STAT5B: variants seen among roughly 807,000 people sequenced by gnomAD.
STAT5B encodes signal transducer and activator of transcription 5B.
STAT5B carries 21 observed loss-of-function variants against 107.8 expected under a neutral mutation model. That is an observed-to-expected ratio of 0.19 (90% CI 0.14 to 0.28). The LOEUF is 0.28. Ranked by LOEUF, STAT5B falls within the 10% of genes least tolerant of loss-of-function variation. STAT5B has a pLI of 1.00. For synonymous variants in STAT5B, 325 were observed against 401.7 expected, an observed-to-expected ratio of 0.81 and a Z score of 2.28; for missense variants, 565 against 1,008.2, an observed-to-expected ratio of 0.56 and a Z score of 5.95.
In STAT5B at chr17:42,201,343, AT is replaced by A; in HGVS notation, c.*394del. The A allele has an allele frequency of 1.8e-6, 1 of 566,068 alleles. No homozygotes were observed. The highest frequency in any genetic ancestry group is 3.1e-6 in the Non-Finnish European group (1 of 320,256). The allele number at this position is 566,068 out of a possible 1,614,324, so 35.1% of individuals were successfully genotyped here. ...TTTCTCCTCCCTTTGTCCTTCTCTTATTCAAACAGCCACATGTCAAAGTCCA... is the reference window on the plus strand; with the variant it reads ...TTTCTCCTCCCTTTGTCCTTCTCTTATCAAACAGCCACATGTCAAAGTCCA... On this transcript the variant is annotated 3_prime_UTR_variant, in exon 19 of 19. Transcript: ENST00000293328.
chr17:42,241,340 C>CAA (rs774158422), intron 1 of STAT5B, among the ~76,000 whole-genome samples: 1,330 of 72,474 alleles, frequency 0.018, 17 homozygotes, highest in African/African-American at 0.063. Flanking sequence ...AACTCCATCT[C>CAA]AAAAAAAAAA....
At chr17:42,213,237 C>T (rs977009554) in intron 12 of STAT5B, among the ~76,000 whole-genome samples, 1 of 152,000 alleles carries the variant, frequency 6.6e-6, no homozygotes. Flanking sequence ...GGTAAGGTCT[C>T]GCTCTGTCAT....
chr17:42,217,516 T>G (rs1276946306), intron 9 of STAT5B, 52 bp from the exon 10 acceptor site: 2 of 1,598,868 alleles, frequency 1.3e-6, no homozygotes, highest in Non-Finnish European at 8.6e-7. Context: ...TCTCAGGACA[T>G]GCGGAGTAAA....
chr17:42,238,386 G>A (rs1168194465), intron 1 of STAT5B, among the ~76,000 whole-genome samples: 1 of 146,062 alleles, frequency 6.8e-6, no homozygotes, highest in African/African-American at 2.6e-5. Flanking sequence ...CTCACCTCAA[G>A]TGATCCTCCC....
chr17:42,253,553 A>C (rs8081929), intron 1 of STAT5B, among the ~76,000 whole-genome samples: 2,929 of 152,356 alleles, frequency 0.019, 87 homozygotes, highest in African/African-American at 0.066. Context: ...ATTCATATTT[A>C]AACAGGAAGG....
intron 1 of STAT5B, among the ~76,000 whole-genome samples, chr17:42,262,986 A>G (rs1351816637): frequency 6.8e-4 from 29 of 42,382 alleles, no homozygotes; most frequent in South Asian, 9.4e-4. Context: ...ATATATATAT[A>G]TATATATATA....
At chr17:42,203,413 TA>T (rs112494909) in intron 16 of STAT5B, among the ~76,000 whole-genome samples, 1,970 of 137,424 alleles carry the variant, frequency 0.014, 30 homozygotes, top group African/African-American at 0.047. Context: ...GCATACTAAT[TA>T]AAAAAAAAAA....
chr17:42,226,536 G>A (rs1567663421), intron 3 of STAT5B, among the ~76,000 whole-genome samples: 3 of 151,344 alleles, frequency 2.0e-5, no homozygotes, highest in South Asian at 2.1e-4. Context: ...GGCTGGGTGC[G>A]GTGGCTCATG....
rs139789118 is a variant in STAT5B at position 42,214,951 on chromosome 17, C to T, written c.1473+1063G>A. Among the ~76,000 whole-genome samples the T allele has an allele frequency of 2.1e-3, 314 of 152,198 alleles. 2 individuals carry two copies. Among genetic ancestry groups the T allele is most frequent in the African/African-American group, 7.3e-3 (304 of 41,526 alleles). On this transcript the variant is annotated intron_variant, in intron 12 of 18. Coordinates refer to ENST00000293328, the MANE Select transcript of STAT5B (RefSeq NM_012448.4). The stretch of plus-strand genomic sequence containing the variant: ...TATTTTTTGTAGAGACAGGATTTTG[C>T]TATGCTGCCTAGGCTAGTCTGGAGC...
At position 42,202,423 on chromosome 17, in the gene STAT5B, G is replaced by C. The variant is rs143157773; in HGVS notation, c.2154C>G (p.Ala718=). 1.9e-6 allele frequency: 3 copies of C among 1,614,182 alleles called. No individual in the cohort carries two copies. Among genetic ancestry groups the C allele is most frequent in the African/African-American group, 2.7e-5 (2 of 75,050 alleles). ...VPEFVNASAD[A]GGGSATYMDQ... ...CCATGTACGTGGCGCTGCCGCCCCC[G>C]GCATCTGCAGATGCGTTCACAAACC... The change falls in exon 18 of 19, where the codon GCC becomes GCG. Residue 718 remains alanine, a synonymous_variant. Transcript: ENST00000293328.
chr17:42,244,842 G>A (rs2080437319), intron 1 of STAT5B, among the ~76,000 whole-genome samples: 1 of 152,124 alleles, frequency 6.6e-6, no homozygotes. Flanking sequence ...CCAGTTAAAT[G>A]AAATATAAAA....
chr17:42,219,213 T>C (rs2080201801), intron 7 of STAT5B, 99 bp downstream of exon 7: 1 of 1,476,280 alleles, frequency 6.8e-7, no homozygotes, highest in Admixed American at 2.2e-5. Flanking sequence ...TGTCCCAGGA[T>C]GGAGGGGGCC....
Position 42,201,139 on chromosome 17 carries a change from A to C in STAT5B, c.*599T>G. On this transcript the variant is annotated 3_prime_UTR_variant, in exon 19 of 19. Coordinates refer to ENST00000293328, the MANE Select transcript of STAT5B (RefSeq NM_012448.4). ...AGCTTGTGACTTCCCTTGCCCCAAC[A>C]ATCTTTGTAGGTTGCCCCTTTTCCC... 2.5e-6 allele frequency: 1 copy of C among 406,284 alleles called. No homozygotes were observed. Among genetic ancestry groups the C allele is most frequent in the Non-Finnish European group, 4.3e-6 (1 of 230,458 alleles). 25.2% of individuals were successfully genotyped at this position (406,284 alleles called of 1,614,324 possible). A position where few individuals can be genotyped will look rare whatever the true frequency, so the allele number is the denominator to read the frequency against.
At chr17:42,258,231 T>A (rs914930136) in intron 1 of STAT5B, among the ~76,000 whole-genome samples, 1 of 152,116 alleles carries the variant, frequency 6.6e-6, no homozygotes, top group Non-Finnish European at 1.5e-5. Context: ...AATAAAGGGG[T>A]TCCTAAAGCC....
chr17:42,238,698 A>T (rs2080377435), intron 1 of STAT5B, among the ~76,000 whole-genome samples: 1 of 149,920 alleles, frequency 6.7e-6, no homozygotes, highest in Admixed American at 6.7e-5. Flanking sequence ...TGATCCACCC[A>T]CCTCGGCCTC....
At position 42,227,592 on chromosome 17, in the gene STAT5B, G is replaced by A. The variant is rs2080284384; in HGVS notation, c.222C>T (p.His74=). Residue 74 remains histidine, a synonymous_variant, in exon 3 of 19, where the codon CAC becomes CAT. Transcript: ENST00000293328. ...LVQELQKKAE[H]QVGEDGFLLK... is the part of the protein sequence containing the mutation. ...GTAAAAACCCATCTTCCCCCACCTG[G>A]TGCTCTGCCTTCTTCTGCAGCTCCT... 3.1e-6 allele frequency: 5 copies of A among 1,613,774 alleles called. No individual in the cohort carries two copies. Among genetic ancestry groups the A allele is most frequent in the Non-Finnish European group, 4.2e-6 (5 of 1,179,936 alleles).
chr17:42,250,917 C>CT (rs943249625), intron 1 of STAT5B, among the ~76,000 whole-genome samples: 7 of 141,016 alleles, frequency 5.0e-5, no homozygotes, highest in Non-Finnish European at 9.1e-5. Context: ...GAGGGAAACT[C>CT]TGTCTCAAAA....
the STAT5B span, among the ~76,000 whole-genome samples, chr17:42,283,704 T>G: frequency 6.6e-6 from 1 of 152,232 alleles, no homozygotes; most frequent in Admixed American, 6.5e-5. Flanking sequence ...GCTCCTTCCC[T>G]TCCCCCAGAT....
intron 17 of STAT5B, 69 bp downstream of exon 17, chr17:42,202,688 G>C: frequency 6.2e-7 from 1 of 1,610,888 alleles, no homozygotes; most frequent in Admixed American, 1.7e-5. Flanking sequence ...GCCAGGATAA[G>C]GATGGGAGGC....
Sources: allele counts gnomAD v4.1 joint callset (sites outside exome capture counted in the v4.1 genomes callset), GRCh38; gene constraint gnomAD v4.1.1; transcripts MANE v1.5; gene names NCBI Gene and HGNC (gene_info 2026-07-23, HGNC 2026-07-21).